The following KCNQ1 variants were observed in gnomAD, a reference collection of about 807,000 sequenced individuals.
KCNQ1 encodes potassium voltage-gated channel subfamily KQT member 1.
Under a neutral mutation model 72.4 loss-of-function variants are expected in KCNQ1, and 49 were observed. The ratio of observed to expected loss-of-function variants is 0.68; its 90% CI spans 0.54 to 0.86. KCNQ1 has a LOEUF of 0.86. Ranked by LOEUF, KCNQ1 falls within the 40% of genes least tolerant of loss-of-function variation. KCNQ1 has a pLI of 0.00. For synonymous variants in KCNQ1, 450 were observed against 412.6 expected (o/e 1.09, Z -1.10); for missense variants, 790 against 945.1 (o/e 0.84, Z 2.15).
rs1486063059 is a variant in KCNQ1 at position 2,478,787 on chromosome 11, C to T, written c.386+33303C>T. Among the ~76,000 whole-genome samples the T allele has an allele frequency of 2.6e-5, 4 of 152,176 alleles. No homozygotes were observed. The highest frequency in any genetic ancestry group is 2.6e-4 in the Admixed American group (4 of 15,280). On this transcript the variant is annotated intron_variant, in intron 1 of 15. Coordinates refer to ENST00000155840, the MANE Select transcript of KCNQ1 (RefSeq NM_000218.3). This position sits in a 1 kb window ranked among gnomAD's most constrained non-coding sequence, Gnocchi z 4.0. ...GGTGCCCCAAAGTCTTAACTCATTT[C>T]AGCATTAACTCAAAAATCTGCAGTC...
chr11:2,745,595 C>T lies in KCNQ1; in HGVS notation c.1515-23249C>T, dbSNP rs74623003. Among the ~76,000 whole-genome samples, 2,867 of 152,336 alleles carry T rather than the reference C, an allele frequency of 0.019. 49 individuals carry two copies. Among genetic ancestry groups the T allele is most frequent in the South Asian group, 0.1 (506 of 4,826 alleles). On this transcript the variant is annotated intron_variant, in intron 11 of 15. Coordinates refer to ENST00000155840, the MANE Select transcript of KCNQ1 (RefSeq NM_000218.3). This position sits in a 1 kb window ranked among gnomAD's most constrained non-coding sequence, Gnocchi z 6.2. Reference sequence around the variant, plus strand: ...ACCACAGGCCCCCATTCCCCAGCCCCTAATGTTCTTGCCTCATGTCTTCAG... The same window carrying T: ...ACCACAGGCCCCCATTCCCCAGCCCTTAATGTTCTTGCCTCATGTCTTCAG...
chr11:2,488,320 T>C lies in KCNQ1; in HGVS notation c.387-39608T>C, dbSNP rs1846775278. On this transcript the variant is annotated intron_variant, in intron 1 of 15. Coordinates refer to ENST00000155840, the MANE Select transcript of KCNQ1 (RefSeq NM_000218.3). This position sits in a 1 kb window ranked among gnomAD's most constrained non-coding sequence, Gnocchi z 5.1. ...TCATAAGGGATATTGGTCTGTAGTT[T>C]TCTTGTAGTCTTTGTCTGGCTTTAG... Among the ~76,000 whole-genome samples, 1 of 152,222 alleles carries C rather than the reference T, an allele frequency of 6.6e-6. No homozygotes were observed. The highest frequency in any genetic ancestry group is 2.4e-5 in the African/African-American group (1 of 41,466).
intron 15 of KCNQ1, among the ~76,000 whole-genome samples, chr11:2,837,450 C>T (rs1848095701): frequency 6.6e-6 from 1 of 152,234 alleles, no homozygotes. Flanking sequence ...CTGCACTGTG[C>T]CACAGAACAG....
intron 15 of KCNQ1, among the ~76,000 whole-genome samples, chr11:2,804,803 C>T (rs1847340336): frequency 6.6e-6 from 1 of 152,152 alleles, no homozygotes; most frequent in Non-Finnish European, 1.5e-5. Context: ...AAATATGTGT[C>T]CCCACCATGA....
At chr11:2,583,729 G>A (rs763999729) in intron 7 of KCNQ1, among the ~76,000 whole-genome samples, 184 bp downstream of exon 7, 1 of 152,194 alleles carries the variant, frequency 6.6e-6, no homozygotes, top group Non-Finnish European at 1.5e-5. Context: ...CAGACTTCCC[G>A]TTTGCAGTCC....
chr11:2,573,609 C>T (rs1408817865), intron 6 of KCNQ1, among the ~76,000 whole-genome samples: 1 of 152,236 alleles, frequency 6.6e-6, no homozygotes, highest in African/African-American at 2.4e-5. Context: ...AAGCAGGGAC[C>T]CGGCCTGTGG....
intron 11 of KCNQ1, among the ~76,000 whole-genome samples, chr11:2,727,374 G>T (rs983089620): frequency 6.6e-6 from 1 of 152,172 alleles, no homozygotes; most frequent in Non-Finnish European, 1.5e-5. Flanking sequence ...CGTGTGGGGC[G>T]CAGGACGGCA....
chr11:2,664,468 C>A lies in KCNQ1; in HGVS notation c.1514+2387C>A. Reference sequence around the variant, plus strand: ...CTCTGGGATACAGGCTGGGTAGAGGCCCCACTCCATCTGGGGGAGAAGGCT... The same window carrying A: ...CTCTGGGATACAGGCTGGGTAGAGGACCCACTCCATCTGGGGGAGAAGGCT... On this transcript the variant is annotated intron_variant, in intron 11 of 15. Transcript: ENST00000155840. This position sits in a 1 kb window ranked among gnomAD's most constrained non-coding sequence, Gnocchi z 5.1. The A allele has an allele frequency of 2.5e-6, 1 of 398,718 alleles. No homozygotes were observed. The highest frequency in any genetic ancestry group is 4.4e-6 in the Non-Finnish European group (1 of 226,158). The allele number at this position is 398,718 out of a possible 1,614,324, so 24.7% of individuals were successfully genotyped here.
chr11:2,791,523 C>T (rs1268547324), intron 15 of KCNQ1, among the ~76,000 whole-genome samples: 2 of 152,076 alleles, frequency 1.3e-5, no homozygotes, highest in Non-Finnish European at 2.9e-5. Context: ...ATAGATGTCC[C>T]GACCCGAGCC....
intron 11 of KCNQ1, chr11:2,700,045 C>T (rs1277960290): frequency 7.5e-6 from 3 of 398,040 alleles, no homozygotes; most frequent in East Asian, 7.1e-5. Context: ...GCCGACGTGG[C>T]GACCGCCCCC....
chr11:2,497,974 C>T lies in KCNQ1; in HGVS notation c.387-29954C>T, dbSNP rs113335456. Among the ~76,000 whole-genome samples, 2 of 152,314 alleles carry T rather than the reference C, an allele frequency of 1.3e-5. No individual in the cohort carries two copies. The highest frequency in any genetic ancestry group is 4.8e-5 in the African/African-American group (2 of 41,572). ...GTTTGCTGGAGGTCCACTCCAGACC[C>T]TGTTTGCCTGGGTATCACCAGTGGA... On this transcript the variant is annotated intron_variant, in intron 1 of 15. Coordinates refer to ENST00000155840, the MANE Select transcript of KCNQ1 (RefSeq NM_000218.3). The surrounding 1 kb of genome is among the most constrained non-coding windows in gnomAD (Gnocchi z 4.5).
intron 10 of KCNQ1, among the ~76,000 whole-genome samples, chr11:2,591,352 C>A (rs1417722521): frequency 6.6e-6 from 1 of 152,222 alleles, no homozygotes. Context: ...GGGCACCAGG[C>A]TCCCCAGGAC....
At position 2,623,737 on chromosome 11, in the gene KCNQ1, T is replaced by C. The variant is rs1589987948; in HGVS notation, c.1393+34883T>C. 2.5e-6 allele frequency: 1 copy of C among 398,596 alleles called. No homozygotes were observed. The highest frequency in any genetic ancestry group is 4.4e-6 in the Non-Finnish European group (1 of 226,042). 24.7% of individuals were successfully genotyped at this position (398,596 alleles called of 1,614,324 possible). On this transcript the variant is annotated intron_variant, in intron 10 of 15. Coordinates refer to ENST00000155840, the MANE Select transcript of KCNQ1 (RefSeq NM_000218.3). The surrounding 1 kb of genome is among the most constrained non-coding windows in gnomAD (Gnocchi z 5.2). ...AATAAAGCTTCTGTAAACATCTCTG[T>C]GCAGATTTTTATGTGAATATAAGTC...
At chr11:2,555,590 G>C (rs565373653) in intron 2 of KCNQ1, among the ~76,000 whole-genome samples, 1 of 152,242 alleles carries the variant, frequency 6.6e-6, no homozygotes, top group African/African-American at 2.4e-5. Flanking sequence ...CTGTGTGTGC[G>C]GGGCCCTGGG....
chr11:2,602,818 C>T lies in KCNQ1; in HGVS notation c.1393+13964C>T, dbSNP rs1038628982. 6.6e-6 allele frequency among the ~76,000 whole-genome samples: 1 copy of T among 152,066 alleles called. No individual in the cohort carries two copies. The highest frequency in any genetic ancestry group is 1.5e-5 in the Non-Finnish European group (1 of 67,984). On this transcript the variant is annotated intron_variant, in intron 10 of 15. Transcript: ENST00000155840. The surrounding 1 kb of genome is among the most constrained non-coding windows in gnomAD (Gnocchi z 4.8). ...GGGAGATGTTTATATATTCTAGATA[C>T]TTATCTTAAGTCAGAAACAGGGTGC...
chr11:2,818,533 C>A lies in KCNQ1; in HGVS notation c.1795-29234C>A, dbSNP rs561787183. 4.1e-4 allele frequency among the ~76,000 whole-genome samples: 62 copies of A among 152,264 alleles called. No homozygotes were observed. Among genetic ancestry groups the A allele is most frequent in the African/African-American group, 1.3e-3 (55 of 41,556 alleles). On this transcript the variant is annotated intron_variant, in intron 15 of 15. Coordinates refer to ENST00000155840, the MANE Select transcript of KCNQ1 (RefSeq NM_000218.3). This position sits in a 1 kb window ranked among gnomAD's most constrained non-coding sequence, Gnocchi z 7.2. ...GGACTTTGCCACCCGGGGTGAGGGG[C>A]CTAGAAACCCCTCTCCACCAGATGC...
rs1246350321 is a variant in KCNQ1, at chr11:2,602,496, TGATTTTC to T, written c.1393+13643_1393+13649del. On this transcript the variant is annotated intron_variant, in intron 10 of 15. Transcript: ENST00000155840. The surrounding 1 kb of genome is among the most constrained non-coding windows in gnomAD (Gnocchi z 4.8). ...TTAGTTTTATAAGAAACTACCAAAC[TGATTTTC>T]CAGAGTGACTGCACCATTTCACATT... Among the ~76,000 whole-genome samples the T allele has an allele frequency of 2.0e-5, 3 of 152,254 alleles. No homozygotes were observed. Among genetic ancestry groups the T allele is most frequent in the Admixed American group, 6.5e-5 (1 of 15,286 alleles).
Position 2,445,315 on chromosome 11 carries a change from C to T in KCNQ1, c.217C>T (p.Pro73Ser), listed in dbSNP as rs199472676. 6.6e-7 allele frequency: 1 copy of T among 1,504,516 alleles called. No homozygotes were observed. The highest frequency in any genetic ancestry group is 8.8e-7 in the Non-Finnish European group (1 of 1,132,988). The allele number at this position is 1,504,516 out of a possible 1,614,324, so 93.2% of individuals were successfully genotyped here. A position where few individuals can be genotyped will look rare whatever the true frequency, so the allele number is the denominator to read the frequency against. ...TGCGTCCCCGGCCGCGCCCGCCGCG[C>T]CCCCAGTTGCCTCCGACCTTGGCCC... ...PPASPAAPAA[P>S]PVASDLGPRP... Residue 73 changes from proline to serine, a missense_variant, in exon 1 of 16, where the codon CCC (proline) becomes TCC (serine). Coordinates refer to ENST00000155840, the MANE Select transcript of KCNQ1 (RefSeq NM_000218.3).
rs1414109756 is a variant in KCNQ1 at position 2,721,481 on chromosome 11, C to A, written c.1515-47363C>A. Among the ~76,000 whole-genome samples the A allele has an allele frequency of 2.0e-5, 3 of 152,244 alleles. No homozygotes were observed. The East Asian group carries it at 5.8e-4, about 29-fold the overall frequency. ...CTCCAGCTCGCAAGAGGGGCAGGTCCAGGGATGTGTTTCACCCCCAAGGTG... is the reference window on the plus strand; with the variant it reads ...CTCCAGCTCGCAAGAGGGGCAGGTCAAGGGATGTGTTTCACCCCCAAGGTG... On this transcript the variant is annotated intron_variant, in intron 11 of 15. Transcript: ENST00000155840.
Sources: allele counts gnomAD v4.1 joint callset (sites outside exome capture counted in the v4.1 genomes callset), GRCh38; gene constraint gnomAD v4.1.1; non-coding constraint Gnocchi (gnomAD v3.1); transcripts MANE v1.5; gene names NCBI Gene and HGNC (gene_info 2026-07-23, HGNC 2026-07-21).